The following PCMT1 variants were observed in gnomAD, a reference collection of about 807,000 sequenced individuals.
PCMT1 encodes protein-L-isoaspartate(D-aspartate) O-methyltransferase.
A neutral mutation model predicts 29.2 loss-of-function variants in PCMT1; 9 were observed. That is an observed-to-expected ratio of 0.31 (90% CI 0.19 to 0.54). The LOEUF (loss-of-function observed/expected upper bound fraction) is 0.54, where lower values mean the gene tolerates loss of function less well. PCMT1 is among the 20% of genes least tolerant of loss of function. The pLI, the probability that PCMT1 is intolerant of heterozygous loss-of-function variation, is 0.95. For synonymous variants in PCMT1, 98 were observed against 97.5 expected (o/e 1.00, Z -0.03); for missense variants, 184 against 282.2 (o/e 0.65, Z 2.49).
chr6:149,773,036 G>C, intron 2 of PCMT1, 102 bp from the exon 3 acceptor site: 1 of 552,960 alleles, frequency 1.8e-6, no homozygotes, highest in Non-Finnish European at 2.9e-6. Context: ...AAAAAAAAAA[G>C]AATTATTGTG....
At chr6:149,767,258 C>CTTTTTTTTTTTTTTT (rs113665810) in intron 1 of PCMT1, among the ~76,000 whole-genome samples, 1 of 145,568 alleles carries the variant, frequency 6.9e-6, no homozygotes. Flanking sequence ...GTAATTCACT[C>CTTTTTTTTTTTTTTT]TTTTTTTTTT....
chr6:149,794,966 C>T (rs1473091965), intron 5 of PCMT1: 5 of 407,288 alleles, frequency 1.2e-5, no homozygotes, highest in South Asian at 3.7e-5. Flanking sequence ...GAGGCCAAGG[C>T]GGGCGGATCA....
intron 4 of PCMT1, among the ~76,000 whole-genome samples, chr6:149,791,746 G>A (rs1256145811): frequency 6.6e-6 from 1 of 152,090 alleles, no homozygotes; most frequent in Non-Finnish European, 1.5e-5. Flanking sequence ...ATGGATATCA[G>A]TGATTTTTTT....
chr6:149,750,397 C>T lies in PCMT1; in HGVS notation c.55+441C>T, dbSNP rs112648790. The T allele has an allele frequency of 8.1e-3, 1,346 of 165,482 alleles. 8 individuals carry two copies. The highest frequency in any genetic ancestry group is 0.022 in the Middle Eastern group (8 of 356). 10.3% of individuals were successfully genotyped at this position (165,482 alleles called of 1,614,324 possible). ...CCTGCATTTTTCTCACCTTCCTCCT[C>T]CATAATCAACCTCGCTGCAAGCTTT... On this transcript the variant is annotated intron_variant, in intron 1 of 7. Transcript: ENST00000464889.
At chr6:149,773,014 CAGA>C in intron 2 of PCMT1, 121 bp from the exon 3 acceptor site, 2 of 587,830 alleles carry the variant, frequency 3.4e-6, no homozygotes, top group African/African-American at 3.1e-5. Context: ...GAGACTGTCT[CAGA>C]AAAAAAAAAA....
chr6:149,796,640 CT>C, intron 6 of PCMT1, 140 bp downstream of exon 6: 3 of 563,656 alleles, frequency 5.3e-6, no homozygotes, highest in South Asian at 5.6e-5. Context: ...AGCTGTTACT[CT>C]TTTCTTTTTT....
At chr6:149,755,478 G>A (rs1020558807) in intron 1 of PCMT1, among the ~76,000 whole-genome samples, 1 of 151,844 alleles carries the variant, frequency 6.6e-6, no homozygotes, top group African/African-American at 2.4e-5. Context: ...CTTTGGTATT[G>A]TATGCGGTTT....
At chr6:149,783,598 G>T (rs1035595534) in intron 3 of PCMT1, among the ~76,000 whole-genome samples, 1 of 152,312 alleles carries the variant, frequency 6.6e-6, no homozygotes, top group Non-Finnish European at 1.5e-5. Context: ...AGACTTGCGT[G>T]TGTTCTTGCT....
chr6:149,782,581 A>G (rs1005301221), intron 3 of PCMT1, among the ~76,000 whole-genome samples: 1 of 152,218 alleles, frequency 6.6e-6, no homozygotes, highest in Non-Finnish European at 1.5e-5. Context: ...GACATCTGTC[A>G]AGTGAGGAAG....
At chr6:149,790,113 C>T in intron 4 of PCMT1, 55 bp downstream of exon 4, 1 of 1,077,934 alleles carries the variant, frequency 9.3e-7, no homozygotes, top group Admixed American at 2.4e-5. Flanking sequence ...TATGATTTGG[C>T]TGTATGTTTT....
intron 3 of PCMT1, among the ~76,000 whole-genome samples, chr6:149,786,667 C>T (rs1434407862): frequency 2.1e-5 from 3 of 144,870 alleles, no homozygotes; most frequent in African/African-American, 2.6e-5. Flanking sequence ...CGCTCCTCAC[C>T]TCCCAGACGG....
chr6:149,805,174 G>A (rs1477298574), intron 7 of PCMT1, among the ~76,000 whole-genome samples: 1 of 152,230 alleles, frequency 6.6e-6, no homozygotes, highest in Non-Finnish European at 1.5e-5. Flanking sequence ...CCCAGAAGCG[G>A]CAGTGAGCTG....
At chr6:149,779,325 G>C (rs148404820) in intron 3 of PCMT1, among the ~76,000 whole-genome samples, 49 of 152,236 alleles carry the variant, frequency 3.2e-4, no homozygotes, top group African/African-American at 4.8e-4. Flanking sequence ...CCTGCAGCAC[G>C]TAACTCCCTA....
chr6:149,795,213 G>T, intron 5 of PCMT1: 1 of 366,450 alleles, frequency 2.7e-6, no homozygotes, highest in Admixed American at 3.5e-5. Context: ...AAAAAGAAAT[G>T]TTAACTTCTC....
At chr6:149,757,669 A>G (rs918157599) in intron 1 of PCMT1, among the ~76,000 whole-genome samples, 6 of 152,206 alleles carry the variant, frequency 3.9e-5, no homozygotes, top group South Asian at 2.1e-4. Context: ...AAGCTATCCT[A>G]ACAATCAAAA....
At chr6:149,795,497 G>A (rs959256089) in intron 5 of PCMT1, 17 of 412,342 alleles carry the variant, frequency 4.1e-5, no homozygotes, top group South Asian at 1.3e-4. Flanking sequence ...AGACCCATCC[G>A]TTTCTACTGC....
At chr6:149,810,487 A>G (rs1583068414) in intron 7 of PCMT1, 129 bp from the exon 8 acceptor site, 1 of 630,726 alleles carries the variant, frequency 1.6e-6, no homozygotes, top group Non-Finnish European at 2.7e-6. Context: ...TTGCATTTTT[A>G]TTTTTTAAAT....
At chr6:149,764,746 A>G (rs1786999498) in intron 1 of PCMT1, among the ~76,000 whole-genome samples, 2 of 151,964 alleles carry the variant, frequency 1.3e-5, no homozygotes, top group South Asian at 4.2e-4. Context: ...TCTCTTTAAA[A>G]ATTAAAAAAT....
chr6:149,764,651 G>A (rs1329279888), intron 1 of PCMT1, among the ~76,000 whole-genome samples: 2 of 152,118 alleles, frequency 1.3e-5, no homozygotes, highest in African/African-American at 4.8e-5. Flanking sequence ...AAGGCAGGAA[G>A]AGCACTGGAA....
Sources: gnomAD v4.1 joint callset for allele counts (sites outside exome capture counted in the v4.1 genomes callset) on GRCh38, gnomAD v4.1.1 for gene constraint, MANE v1.5 for transcripts, NCBI Gene and HGNC (gene_info 2026-07-23, HGNC 2026-07-21) for gene names.